CTIF: variants seen among roughly 807,000 people sequenced by gnomAD.
The protein encoded by CTIF is cap binding complex dependent translation initiation factor, also known as CBP80/20-dependent translation initiation factor.
In CTIF, 21 loss-of-function variants were observed where a neutral mutation model predicts 66.0. The observed-to-expected ratio is 0.32, with a 90% confidence interval of 0.23 to 0.46. The LOEUF (loss-of-function observed/expected upper bound fraction) is 0.46, where lower values mean the gene tolerates loss of function less well. Ranked by LOEUF, CTIF falls within the 20% of genes least tolerant of loss-of-function variation. The pLI is 1.00. For missense variants in CTIF, 739 were observed against 812.7 expected, an observed-to-expected ratio of 0.91 and a Z score of 1.10; for synonymous variants, 345 against 326.4, an observed-to-expected ratio of 1.06 and a Z score of -0.62.
At chr18:48,742,889 C>T (rs764409714) in intron 7 of CTIF, among the ~76,000 whole-genome samples, 30 of 152,156 alleles carry the variant, frequency 2.0e-4, no homozygotes, top group South Asian at 2.1e-4. Flanking sequence ...CGGGGCTTCA[C>T]GGAGATGGGA....
chr18:48,567,038 G>A (rs2089295467), intron 1 of CTIF: 1 of 152,186 alleles, frequency 6.6e-6, no homozygotes, highest in Non-Finnish European at 1.5e-5. Flanking sequence ...ATATTTTTCA[G>A]CAACAACTTA....
At chr18:48,796,802 C>T (rs2067930162) in intron 9 of CTIF, among the ~76,000 whole-genome samples, 1 of 152,196 alleles carries the variant, frequency 6.6e-6, no homozygotes, top group East Asian at 1.9e-4. Flanking sequence ...TAAGTGCACT[C>T]CTACTGAAAT....
chr18:48,762,132 T>C (rs908915731), intron 9 of CTIF, among the ~76,000 whole-genome samples: 1 of 152,196 alleles, frequency 6.6e-6, no homozygotes, highest in Non-Finnish European at 1.5e-5. Context: ...TGAGATGGGT[T>C]TGAGTAAAGC....
At chr18:48,728,908 C>T (rs1209352956) in intron 7 of CTIF, among the ~76,000 whole-genome samples, 1 of 152,144 alleles carries the variant, frequency 6.6e-6, no homozygotes, top group East Asian at 1.9e-4. Context: ...GAGGTGGGGA[C>T]CACTGGGAGC....
At chr18:48,759,245 GC>G (rs1351469151) in intron 8 of CTIF, among the ~76,000 whole-genome samples, 1 of 152,168 alleles carries the variant, frequency 6.6e-6, no homozygotes, top group East Asian at 1.9e-4. Context: ...CCCAAGAAAG[GC>G]CAACTTGCCC....
At chr18:48,839,536 G>T (rs1209807491) in intron 10 of CTIF, among the ~76,000 whole-genome samples, 1 of 152,150 alleles carries the variant, frequency 6.6e-6, no homozygotes, top group Admixed American at 6.5e-5. Context: ...CTTGGCGGGA[G>T]GTAATATTAG....
At chr18:48,791,194 G>C (rs2146133796) in intron 9 of CTIF, among the ~76,000 whole-genome samples, 1 of 152,356 alleles carries the variant, frequency 6.6e-6, no homozygotes, top group East Asian at 1.9e-4. Context: ...ATGCTGGCTG[G>C]TCAGACCATG....
intron 7 of CTIF, among the ~76,000 whole-genome samples, chr18:48,746,656 G>C (rs2092599050): frequency 6.6e-6 from 1 of 151,974 alleles, no homozygotes. Context: ...GCAGGATGGA[G>C]GGGAGAGGCC....
At chr18:48,752,076 A>G (rs890978476) in intron 7 of CTIF, among the ~76,000 whole-genome samples, 3 of 152,210 alleles carry the variant, frequency 2.0e-5, no homozygotes, top group African/African-American at 7.2e-5. Context: ...CGAGGTAAAC[A>G]TCTGATTTCT....
rs533061023 is a variant in CTIF at position 48,664,773 on chromosome 18, C to G, written c.431+222C>G. On this transcript the variant is annotated intron_variant, in intron 5 of 11. Coordinates refer to ENST00000256413, the MANE Select transcript of CTIF (RefSeq NM_014772.3). ...TCTAGCCATGCCATCCCCACCTGCT[C>G]CTGATGACCCACAGTGGCCCTGCTT... 3.9e-5 allele frequency among the ~76,000 whole-genome samples: 6 copies of G among 152,294 alleles called. No homozygotes were observed. In the East Asian group the frequency reaches 1.2e-3, roughly 29 times the overall value.
intron 6 of CTIF, among the ~76,000 whole-genome samples, chr18:48,682,441 A>T (rs1250871781): frequency 6.6e-6 from 1 of 152,142 alleles, no homozygotes; most frequent in African/African-American, 2.4e-5. Context: ...GTGAACCAGA[A>T]ACTCTGGGAG....
rs973185045 is a variant in CTIF at position 48,741,870 on chromosome 18, G to A, written c.585-16049G>A. 6.6e-5 allele frequency among the ~76,000 whole-genome samples: 10 copies of A among 152,248 alleles called. No individual in the cohort carries two copies. The Middle Eastern group carries it at 0.01, about 156-fold the overall frequency. ...TCAGCACAAGAAGGGAGCACAGGGC[G>A]CCTCCCGGGGAACAGAGAGCCAGCG... On this transcript the variant is annotated intron_variant, in intron 7 of 11. Coordinates refer to ENST00000256413, the MANE Select transcript of CTIF (RefSeq NM_014772.3).
intron 1 of CTIF, among the ~76,000 whole-genome samples, chr18:48,602,775 A>G (rs919549664): frequency 2.0e-5 from 3 of 152,200 alleles, no homozygotes; most frequent in Non-Finnish European, 2.9e-5. Context: ...TGTTTTTTAA[A>G]TGGACATATG....
intron 1 of CTIF, among the ~76,000 whole-genome samples, chr18:48,602,349 A>G (rs896938155): frequency 2.0e-5 from 3 of 152,246 alleles, no homozygotes; most frequent in Non-Finnish European, 2.9e-5. Context: ...ATGCTAAACA[A>G]TGCCACGAAA....
chr18:48,661,745 C>G (rs745850943), intron 3 of CTIF: 12 of 152,210 alleles, frequency 7.9e-5, no homozygotes, highest in Non-Finnish European at 1.6e-4. Flanking sequence ...GGGATGGTAG[C>G]AGCACGCATG....
chr18:48,726,411 G>T (rs2092387477), intron 7 of CTIF, among the ~76,000 whole-genome samples: 1 of 152,144 alleles, frequency 6.6e-6, no homozygotes, highest in East Asian at 1.9e-4. Context: ...GTTTAACAGG[G>T]TTGTCCTAGC....
At chr18:48,799,381 A>T (rs2068001200) in intron 9 of CTIF, among the ~76,000 whole-genome samples, 1 of 152,040 alleles carries the variant, frequency 6.6e-6, no homozygotes, top group Admixed American at 6.5e-5. Context: ...GCCCCAGATG[A>T]TGGATTTCTG....
chr18:48,603,664 T>C (rs1351360105), intron 1 of CTIF, among the ~76,000 whole-genome samples: 3 of 149,654 alleles, frequency 2.0e-5, no homozygotes, highest in Non-Finnish European at 3.0e-5. Flanking sequence ...AATGGATGAA[T>C]GGTGGGTAGG....
chr18:48,793,806 T>G (rs1451340397), intron 9 of CTIF, among the ~76,000 whole-genome samples: 1 of 152,148 alleles, frequency 6.6e-6, no homozygotes, highest in Non-Finnish European at 1.5e-5. Context: ...TTATCCGACT[T>G]GAGTGCCATT....
Sources: gnomAD v4.1 joint callset for allele counts (sites outside exome capture counted in the v4.1 genomes callset) on GRCh38, gnomAD v4.1.1 for gene constraint, MANE v1.5 for transcripts, NCBI Gene and HGNC (gene_info 2026-07-23, HGNC 2026-07-21) for gene names.